Variants in PAM observed in about 807,000 individuals in gnomAD.
PAM encodes peptidylglycine alpha-amidating monooxygenase, also known as peptidyl-glycine alpha-amidating monooxygenase.
In PAM, 72 loss-of-function variants were observed where a neutral mutation model predicts 122.1. The ratio of observed to expected loss-of-function variants is 0.59; its 90% confidence interval spans 0.49 to 0.72. PAM has a LOEUF of 0.72. Among genes scored for constraint, PAM ranks in the 30% least tolerant of loss-of-function variants. PAM has a pLI of 0.00. For synonymous variants in PAM, 389 were observed against 404.4 expected (o/e 0.96, Z 0.46); for missense variants, 1,106 against 1,183.7 (o/e 0.93, Z 0.96).
intron 1 of PAM, among the ~76,000 whole-genome samples, chr5:102,848,661 AATGTAGGGAGGAACAG>A (rs1780573942): frequency 6.6e-6 from 1 of 152,188 alleles, no homozygotes; most frequent in South Asian, 2.1e-4. Flanking sequence ...CAGCTGAAAC[AATGTAGGGAGGAACAG>A]ATAATAGAAC....
At chr5:102,959,016 A>G (rs1761689820) in intron 12 of PAM, among the ~76,000 whole-genome samples, 1 of 152,176 alleles carries the variant, frequency 6.6e-6, no homozygotes, top group Admixed American at 6.6e-5. Context: ...CCTTCCTAAT[A>G]ATGCTAAAGA....
intron 1 of PAM, among the ~76,000 whole-genome samples, chr5:102,759,705 G>C (rs903482830): frequency 1.3e-5 from 2 of 152,182 alleles, no homozygotes; most frequent in African/African-American, 4.8e-5. Context: ...ACTGAGAGGA[G>C]TTTAATGTGG....
intron 1 of PAM, among the ~76,000 whole-genome samples, chr5:102,803,903 T>G (rs1765538996): frequency 6.6e-6 from 1 of 152,124 alleles, no homozygotes; most frequent in African/African-American, 2.4e-5. Flanking sequence ...TGCAAAAGTA[T>G]GTTTTAAGTG....
chr5:103,008,207 T>C (rs1488469355), intron 20 of PAM, among the ~76,000 whole-genome samples: 1 of 138,814 alleles, frequency 7.2e-6, no homozygotes, highest in Non-Finnish European at 1.6e-5. Flanking sequence ...AAAATACATA[T>C]AACTTATATT....
intron 1 of PAM, among the ~76,000 whole-genome samples, chr5:102,810,144 G>A (rs1767464999): frequency 1.3e-5 from 2 of 152,122 alleles, no homozygotes; most frequent in Non-Finnish European, 2.9e-5. Flanking sequence ...GTTAATGTGT[G>A]GGGTGACATA....
Position 102,814,562 on chromosome 5 carries a change from G to T in PAM, c.-373-51261G>T, listed in dbSNP as rs190555369. The stretch of plus-strand genomic sequence containing the variant: ...ATATATTGATATATACATATATATA[G>T]ATATATACATATATTGATATATACA... On this transcript the variant is annotated intron_variant, in intron 1 of 25. Transcript: ENST00000438793. Among the ~76,000 whole-genome samples, 877 of 143,526 alleles carry T rather than the reference G, an allele frequency of 6.1e-3. 22 individuals carry two copies. Among genetic ancestry groups the T allele is most frequent in the African/African-American group, 0.022 (826 of 38,418 alleles). 94.2% of individuals were successfully genotyped at this position (143,526 alleles called of 152,430 possible). A position where few individuals can be genotyped will look rare whatever the true frequency, so the allele number is the denominator to read the frequency against.
At chr5:102,921,185 A>G (rs1747326519) in intron 5 of PAM, among the ~76,000 whole-genome samples, 1 of 152,142 alleles carries the variant, frequency 6.6e-6, no homozygotes, top group Admixed American at 6.6e-5. Flanking sequence ...AGAAGCTGCT[A>G]GAATGATAAG....
chr5:102,902,322 G>T (rs187627671), intron 4 of PAM, among the ~76,000 whole-genome samples: 11 of 151,634 alleles, frequency 7.3e-5, no homozygotes, highest in East Asian at 1.9e-4. Context: ...TTATAGACCT[G>T]CAAAGCCAGA....
intron 1 of PAM, among the ~76,000 whole-genome samples, chr5:102,808,740 A>G (rs1766959948): frequency 6.6e-6 from 1 of 152,226 alleles, no homozygotes; most frequent in African/African-American, 2.4e-5. Flanking sequence ...TAGGACAAAG[A>G]TTTAGTTGGT....
At chr5:102,841,536 A>C (rs546964765) in intron 1 of PAM, among the ~76,000 whole-genome samples, 1 of 152,270 alleles carries the variant, frequency 6.6e-6, no homozygotes, top group South Asian at 2.1e-4. Context: ...ACTTAAAGAC[A>C]TTTAAAGGTT....
chr5:102,943,954 T>A (rs1756130497), intron 7 of PAM, among the ~76,000 whole-genome samples: 1 of 152,196 alleles, frequency 6.6e-6, no homozygotes, highest in African/African-American at 2.4e-5. Flanking sequence ...AATACTCATT[T>A]CTTTCATTAT....
At chr5:103,002,946 AT>A (rs1777830229) in intron 16 of PAM, 86 bp from the exon 17 acceptor site, 1 of 709,790 alleles carries the variant, frequency 1.4e-6, no homozygotes, top group African/African-American at 1.7e-5. Context: ...AGCTCTTTTG[AT>A]TTTGTATTTA....
intron 21 of PAM, among the ~76,000 whole-genome samples, chr5:103,012,541 T>G (rs987875195): frequency 6.6e-6 from 1 of 152,100 alleles, no homozygotes; most frequent in African/African-American, 2.4e-5. Context: ...CAGTGTATGT[T>G]CTTGGAAACT....
chr5:102,907,326 A>G (rs1799876889), intron 4 of PAM, among the ~76,000 whole-genome samples: 1 of 151,720 alleles, frequency 6.6e-6, no homozygotes, highest in African/African-American at 2.4e-5. Context: ...GCTGCATAGT[A>G]TTCCATGGTG....
chr5:103,019,139 A>G (rs1782853270), intron 22 of PAM, among the ~76,000 whole-genome samples: 1 of 136,810 alleles, frequency 7.3e-6, no homozygotes, highest in African/African-American at 2.7e-5. Context: ...AGATTTACCT[A>G]CGGGGGGGGA....
At chr5:102,781,117 A>G (rs1003018682) in intron 1 of PAM, among the ~76,000 whole-genome samples, 4 of 152,136 alleles carry the variant, frequency 2.6e-5, no homozygotes, top group Admixed American at 2.6e-4. Context: ...TACAGTATTG[A>G]TTAATATGCA....
chr5:103,021,165 A>T (rs892333186), intron 23 of PAM, among the ~76,000 whole-genome samples: 2 of 152,182 alleles, frequency 1.3e-5, no homozygotes, highest in Non-Finnish European at 2.9e-5. Context: ...GAAATTGAGG[A>T]TCAGAATTCC....
At position 102,866,228 on chromosome 5, in the gene PAM, C is replaced by T. The variant is rs1785511426; in HGVS notation, c.33C>T (p.Leu11=). The T allele has an allele frequency of 6.2e-7, 1 of 1,613,792 alleles. No homozygotes were observed. The highest frequency in any genetic ancestry group is 1.7e-5 in the Admixed American group (1 of 60,034). Residue 11 remains leucine (L), a synonymous_variant, in exon 2 of 26, where the codon CTC becomes CTT. Coordinates refer to ENST00000438793, the MANE Select transcript of PAM (RefSeq NM_001177306.2). MAGRVPSLLV[L]LVFPSSCLAF... ...GCCGCGTCCCTAGCCTGCTAGTTCT[C>T]CTTGTTTTTCCAAGCAGCTGTTTGG...
At chr5:102,987,310 T>C (rs115111706) in intron 15 of PAM, among the ~76,000 whole-genome samples, 243 of 152,226 alleles carry the variant, frequency 1.6e-3, no homozygotes, top group African/African-American at 5.5e-3. Flanking sequence ...AAATACCATA[T>C]TCATACTCAT....
Sources: gnomAD v4.1 joint callset for allele counts (sites outside exome capture counted in the v4.1 genomes callset) on GRCh38, gnomAD v4.1.1 for gene constraint, MANE v1.5 for transcripts, NCBI Gene and HGNC (gene_info 2026-07-23, HGNC 2026-07-21) for gene names.